Variants in TOP1 observed in about 807,000 individuals in gnomAD.
The protein encoded by TOP1 is DNA topoisomerase I.
Under a neutral mutation model 111.1 loss-of-function variants are expected in TOP1, and 10 were observed. The observed-to-expected ratio is 0.09, with a 90% confidence interval of 0.06 to 0.15. The LOEUF (loss-of-function observed/expected upper bound fraction) is 0.15. Ranked by LOEUF, TOP1 falls within the 10% of genes least tolerant of loss-of-function variation. TOP1 has a pLI of 1.00. For missense variants in TOP1, 474 were observed against 926.7 expected (o/e 0.51, Z 6.34); for synonymous variants, 271 against 302.9 (o/e 0.89, Z 1.10).
chr20:41,051,967 C>A (rs1181913826), intron 2 of TOP1, among the ~76,000 whole-genome samples: 3 of 152,144 alleles, frequency 2.0e-5, no homozygotes, highest in African/African-American at 7.2e-5. Context: ...AATTCTGTTA[C>A]AACTACACAC....
At position 41,094,786 on chromosome 20, in the gene TOP1, G is replaced by A. The variant is rs1014789408; in HGVS notation, c.730+2199G>A. ...TGCCAGGGAGGTGGGGCATGGGCTA[G>A]CTGAAGCAGTGAATTACTGCCTTCT... On this transcript the variant is annotated intron_variant, in intron 9 of 20. Coordinates refer to ENST00000361337, the MANE Select transcript of TOP1 (RefSeq NM_003286.4). This position sits in a 1 kb window ranked among gnomAD's most constrained non-coding sequence, Gnocchi z 4.4. 1.3e-5 allele frequency among the ~76,000 whole-genome samples: 2 copies of A among 152,180 alleles called. No homozygotes were observed. The highest frequency in any genetic ancestry group is 1.3e-4 in the Admixed American group (2 of 15,286).
At position 41,116,261 on chromosome 20, in the gene TOP1, T is replaced by C. The variant is rs1228755347; in HGVS notation, c.1708-17T>C. On this transcript the variant is annotated splice_polypyrimidine_tract_variant and intron_variant, in intron 16 of 20. Coordinates refer to ENST00000361337, the MANE Select transcript of TOP1 (RefSeq NM_003286.4). This position sits in a 1 kb window ranked among gnomAD's most constrained non-coding sequence, Gnocchi z 5.6. ...TAGTATAGCTTTGACCTAAATCTGT[T>C]GCTTTGTCTCCTCCAGACTGGTATT... 2.5e-6 allele frequency: 4 copies of C among 1,580,334 alleles called. No homozygotes were observed. Among genetic ancestry groups the C allele is most frequent in the African/African-American group, 1.3e-5 (1 of 74,160 alleles).
chr20:41,114,300 G>A lies in TOP1; in HGVS notation c.1638+145G>A. On this transcript the variant is annotated intron_variant, in intron 15 of 20. Coordinates refer to ENST00000361337, the MANE Select transcript of TOP1 (RefSeq NM_003286.4). The surrounding 1 kb of genome is among the most constrained non-coding windows in gnomAD (Gnocchi z 4.5). ...AACATGGCACATGCCTGTAGACCCAGCTATTCAGAAGGCTGAGACAGGAGG... is the reference window on the plus strand; with the variant it reads ...AACATGGCACATGCCTGTAGACCCAACTATTCAGAAGGCTGAGACAGGAGG... 4.4e-6 allele frequency: 3 copies of A among 684,398 alleles called. No individual in the cohort carries two copies. In the African/African-American group the frequency reaches 5.4e-5, roughly 12 times the overall value. 42.4% of individuals were successfully genotyped at this position (684,398 alleles called of 1,614,324 possible). A position where few individuals can be genotyped will look rare whatever the true frequency, so the allele number is the denominator to read the frequency against.
chr20:41,056,840 C>G (rs1402489236), intron 2 of TOP1, among the ~76,000 whole-genome samples: 1 of 152,100 alleles, frequency 6.6e-6, no homozygotes, highest in Non-Finnish European at 1.5e-5. Flanking sequence ...TTATTTGTAT[C>G]AATGAGATTA....
rs1302531194 is a variant in TOP1, at chr20:41,122,862, G to A, written c.2196-333G>A. Among the ~76,000 whole-genome samples, 1 of 152,196 alleles carries A rather than the reference G, an allele frequency of 6.6e-6. No individual in the cohort carries two copies. The highest frequency in any genetic ancestry group is 2.4e-5 in the African/African-American group (1 of 41,448). On this transcript the variant is annotated intron_variant, in intron 20 of 20. Transcript: ENST00000361337. The surrounding 1 kb of genome is among the most constrained non-coding windows in gnomAD (Gnocchi z 5.4). ...TCTTAAAAGGCAATATAGTATAGTG[G>A]TTAAGAACATGGAGAAAAACTGCTT...
Position 41,123,168 on chromosome 20 carries a change from C to T in TOP1, c.2196-27C>T, listed in dbSNP as rs775422126. On this transcript the variant is annotated intron_variant, in intron 20 of 20. Coordinates refer to ENST00000361337, the MANE Select transcript of TOP1 (RefSeq NM_003286.4). The surrounding 1 kb of genome is among the most constrained non-coding windows in gnomAD (Gnocchi z 5.8). ...GGGCCATTGCTGAGTCACCCTAATCCCCCCCTTATTTCTCCTTTGTTTGCA... is the reference window on the plus strand; with the variant it reads ...GGGCCATTGCTGAGTCACCCTAATCTCCCCCTTATTTCTCCTTTGTTTGCA... 6.5e-6 allele frequency: 10 copies of T among 1,538,060 alleles called. No individual in the cohort carries two copies. The highest frequency in any genetic ancestry group is 9.0e-6 in the Non-Finnish European group (10 of 1,113,534).
rs2034460801 is a variant in TOP1 at position 41,124,201 on chromosome 20, TAG to T, written c.*907_*908del. Reference sequence around the variant, plus strand: ...AAAAAGTTTCACAGGTCAATAAACTTAGAGGAAAATGAGTATTTGGTCCAAAA... The same window carrying T: ...AAAAAGTTTCACAGGTCAATAAACTTAGGAAAATGAGTATTTGGTCCAAAA... On this transcript the variant is annotated 3_prime_UTR_variant, in exon 21 of 21. Coordinates refer to ENST00000361337, the MANE Select transcript of TOP1 (RefSeq NM_003286.4). This position sits in a 1 kb window ranked among gnomAD's most constrained non-coding sequence, Gnocchi z 5.4. 1 of 232,730 alleles carries T rather than the reference TAG, an allele frequency of 4.3e-6. No individual in the cohort carries two copies. 14.4% of individuals were successfully genotyped at this position (232,730 alleles called of 1,614,324 possible).
intron 2 of TOP1, among the ~76,000 whole-genome samples, chr20:41,043,008 A>C (rs1438089204): frequency 6.6e-6 from 1 of 152,222 alleles, no homozygotes; most frequent in South Asian, 2.1e-4. Flanking sequence ...GTAGCAGAGG[A>C]GAAAGAAAAC....
At chr20:41,064,716 CCTT>C (rs1218053660) in intron 3 of TOP1, among the ~76,000 whole-genome samples, 2 of 152,142 alleles carry the variant, frequency 1.3e-5, no homozygotes, top group African/African-American at 4.8e-5. Flanking sequence ...TTTCTACCCT[CCTT>C]CTCATATTAA....
At position 41,122,300 on chromosome 20, in the gene TOP1, G is replaced by A. The variant is rs1446755683; in HGVS notation, c.2195+145G>A. 1.2e-6 allele frequency: 1 copy of A among 818,982 alleles called. No homozygotes were observed. The highest frequency in any genetic ancestry group is 2.0e-6 in the Non-Finnish European group (1 of 510,504). The allele number at this position is 818,982 out of a possible 1,614,324, so 50.7% of individuals were successfully genotyped here. A position where few individuals can be genotyped will look rare whatever the true frequency, so the allele number is the denominator to read the frequency against. On this transcript the variant is annotated intron_variant, in intron 20 of 20. Coordinates refer to ENST00000361337, the MANE Select transcript of TOP1 (RefSeq NM_003286.4). This position sits in a 1 kb window ranked among gnomAD's most constrained non-coding sequence, Gnocchi z 5.4. ...AACTTCTGGCTTCAGCTGTGTACAAGTTACTCTGGTTGCTGAACCTTGTCT... is the reference window on the plus strand; with the variant it reads ...AACTTCTGGCTTCAGCTGTGTACAAATTACTCTGGTTGCTGAACCTTGTCT...
chr20:41,038,640 G>A (rs748958048), intron 2 of TOP1, among the ~76,000 whole-genome samples: 2 of 152,110 alleles, frequency 1.3e-5, no homozygotes, highest in Non-Finnish European at 2.9e-5. Context: ...CAGTGACAAG[G>A]CTTGCTGCAT....
In TOP1 at chr20:41,116,477, T is replaced by A; in HGVS notation, c.1822+85T>A. 9.3e-7 allele frequency: 1 copy of A among 1,072,676 alleles called. No homozygotes were observed. The highest frequency in any genetic ancestry group is 1.4e-6 in the Non-Finnish European group (1 of 714,126). 66.4% of individuals were successfully genotyped at this position (1,072,676 alleles called of 1,614,324 possible). On this transcript the variant is annotated intron_variant, in intron 17 of 20. Transcript: ENST00000361337. The surrounding 1 kb of genome is among the most constrained non-coding windows in gnomAD (Gnocchi z 5.6). ...CTTATCTAAGGCCTAGAGTCAGTTC[T>A]ACTTTTTTTCCCTACCATTGTGGTC...
At chr20:41,059,236 G>A (rs1220191559) in intron 2 of TOP1, among the ~76,000 whole-genome samples, 1 of 151,478 alleles carries the variant, frequency 6.6e-6, no homozygotes, top group Non-Finnish European at 1.5e-5. Flanking sequence ...TTAATTCCTG[G>A]GTGATGAAAT....
intron 2 of TOP1, among the ~76,000 whole-genome samples, chr20:41,042,931 T>A (rs529237626): frequency 6.6e-6 from 1 of 152,342 alleles, no homozygotes; most frequent in East Asian, 1.9e-4. Flanking sequence ...CATAAAAGCC[T>A]TCATCCTCAT....
intron 2 of TOP1, among the ~76,000 whole-genome samples, chr20:41,050,080 C>T (rs925852082): frequency 6.6e-6 from 1 of 152,226 alleles, no homozygotes; most frequent in African/African-American, 2.4e-5. Flanking sequence ...TGCAATGGCA[C>T]GATCTTGGCT....
intron 2 of TOP1, among the ~76,000 whole-genome samples, chr20:41,052,310 G>C (rs752036343): frequency 6.6e-6 from 1 of 152,136 alleles, no homozygotes; most frequent in Non-Finnish European, 1.5e-5. Flanking sequence ...TATCACATTA[G>C]GGTTTGGTCA....
intron 2 of TOP1, among the ~76,000 whole-genome samples, chr20:41,041,437 CAAAAAAAAAA>C (rs780663951): frequency 2.2e-5 from 2 of 89,006 alleles, no homozygotes; most frequent in South Asian, 4.1e-4. Context: ...GACCCTGTCT[CAAAAAAAAAA>C]AAAAAAAAAA....
At position 41,061,840 on chromosome 20, in the gene TOP1, T is replaced by C. The variant is rs2145927218; in HGVS notation, c.155+350T>C. Among the ~76,000 whole-genome samples, 1 of 152,360 alleles carries C rather than the reference T, an allele frequency of 6.6e-6. No homozygotes were observed. Among genetic ancestry groups the C allele is most frequent in the South Asian group, 2.1e-4 (1 of 4,832 alleles). ...ATAAAAGGTAACTGGATTGGAGACCTGATTTTTTTTCTTCTTTCTATATTT... is the reference window on the plus strand; with the variant it reads ...ATAAAAGGTAACTGGATTGGAGACCCGATTTTTTTTCTTCTTTCTATATTT... On this transcript the variant is annotated intron_variant, in intron 3 of 20. Coordinates refer to ENST00000361337, the MANE Select transcript of TOP1 (RefSeq NM_003286.4). The surrounding 1 kb of genome is among the most constrained non-coding windows in gnomAD (Gnocchi z 4.6).
intron 3 of TOP1, among the ~76,000 whole-genome samples, chr20:41,068,492 C>G (rs765490120): frequency 6.6e-6 from 1 of 152,238 alleles, no homozygotes; most frequent in South Asian, 2.1e-4. Flanking sequence ...TGCAGCCTCC[C>G]TGGGCCCAAG....
Sources: allele counts gnomAD v4.1 joint callset (sites outside exome capture counted in the v4.1 genomes callset), GRCh38; gene constraint gnomAD v4.1.1; non-coding constraint Gnocchi (gnomAD v3.1); transcripts MANE v1.5; gene names NCBI Gene and HGNC (gene_info 2026-07-23, HGNC 2026-07-21).